The following PCYOX1 variants were observed in gnomAD, a reference collection of about 807,000 sequenced individuals.
PCYOX1 encodes prenylcysteine lyase.
Under a neutral mutation model 46.4 loss-of-function variants are expected in PCYOX1, and 46 were observed. The ratio of observed to expected loss-of-function variants is 0.99; its 90% CI spans 0.78 to 1.27. The LOEUF is 1.27. Among genes scored for constraint, PCYOX1 ranks in the 50% most tolerant of loss-of-function variants. PCYOX1 has a pLI of 0.00. For synonymous variants in PCYOX1, 220 were observed against 231.8 expected (o/e 0.95, Z 0.46); for missense variants, 658 against 628.3 (o/e 1.05, Z -0.51).
intron 3 of PCYOX1, among the ~76,000 whole-genome samples, chr2:70,268,302 C>G (rs1250059963): frequency 6.6e-6 from 1 of 152,088 alleles, no homozygotes; most frequent in Admixed American, 6.6e-5. Flanking sequence ...CCTTCAGTGG[C>G]TATTTCATTA....
At position 70,259,415 on chromosome 2, in the gene PCYOX1, A is replaced by G; in HGVS notation, c.168A>G (p.Lys56=). The change falls in exon 2 of 6, where the codon AAA becomes AAG. Residue 56 remains lysine (K), a synonymous_variant. Transcript: ENST00000433351. ...GTSAAYYLRQ[K]FGKDVKIDLF... is the part of the protein sequence containing the mutation. ...CAGCAGCCTATTACCTGCGGCAGAA[A>G]TTTGGGAAAGATGTGAAGATAGACC... 1.9e-6 allele frequency: 3 copies of G among 1,614,180 alleles called. No individual in the cohort carries two copies. Among genetic ancestry groups the G allele is most frequent in the Non-Finnish European group, 2.5e-6 (3 of 1,180,034 alleles).
chr2:70,266,640 A>G (rs1466005323), intron 3 of PCYOX1, among the ~76,000 whole-genome samples: 1 of 151,990 alleles, frequency 6.6e-6, no homozygotes, highest in East Asian at 1.9e-4. Flanking sequence ...GTCCCTGGGT[A>G]CTTGAGATTA....
chr2:70,275,478 G>A, intron 4 of PCYOX1, 36 bp from the exon 5 acceptor site: 1 of 1,606,706 alleles, frequency 6.2e-7, no homozygotes, highest in Non-Finnish European at 8.5e-7. Flanking sequence ...CTTACAAAAA[G>A]TCAGAATTAA....
chr2:70,272,265 T>C (rs1696612528), intron 3 of PCYOX1, among the ~76,000 whole-genome samples: 1 of 152,104 alleles, frequency 6.6e-6, no homozygotes, highest in African/African-American at 2.4e-5. Context: ...TAGCTGGTAT[T>C]ACAGGCATGC....
rs750615968 is a variant in PCYOX1 at position 70,258,141 on chromosome 2, C to T, written c.-24C>T. Reference sequence around the variant, plus strand: ...TGGGAGGACTGCGGGGCTCTTGAGGCCAGCTGCAGAGCTTGTGGAGGCCAT... The same window carrying T: ...TGGGAGGACTGCGGGGCTCTTGAGGTCAGCTGCAGAGCTTGTGGAGGCCAT... On this transcript the variant is annotated 5_prime_UTR_variant, in exon 1 of 6. Transcript: ENST00000433351. 2.6e-6 allele frequency: 4 copies of T among 1,559,992 alleles called. No individual in the cohort carries two copies. The highest frequency in any genetic ancestry group is 1.4e-5 in the African/African-American group (1 of 71,466).
Position 70,281,133 on chromosome 2 carries a change from T to TAAA in PCYOX1, c.*3743_*3745dup, listed in dbSNP as rs1417643958. On this transcript the variant is annotated 3_prime_UTR_variant, in exon 6 of 6. Transcript: ENST00000433351. ...TGGAATCCTCTTTCTACTCTTGTAT[T>TAAA]AAAATTTTTCCCCACTTCATGATTA... 6.6e-6 allele frequency: 1 copy of TAAA among 152,256 alleles called. No homozygotes were observed. The highest frequency in any genetic ancestry group is 1.5e-5 in the Non-Finnish European group (1 of 68,086). The allele number at this position is 152,256 out of a possible 1,614,324, so 9.4% of individuals were successfully genotyped here. A position where few individuals can be genotyped will look rare whatever the true frequency, so the allele number is the denominator to read the frequency against.
In PCYOX1 at chr2:70,275,174, A is replaced by C; in HGVS notation, c.706+4A>C. The C allele has an allele frequency of 6.2e-7, 1 of 1,609,728 alleles. No individual in the cohort carries two copies. The highest frequency in any genetic ancestry group is 8.5e-7 in the Non-Finnish European group (1 of 1,175,986). On this transcript the variant is annotated splice_donor_region_variant and intron_variant, in intron 4 of 5. Coordinates refer to ENST00000433351, the MANE Select transcript of PCYOX1 (RefSeq NM_016297.4). ...ACGGACATCAATGCCTTTGTGGGTA[A>C]GCCAGGGCTTGAAACAGTGGTGGAC... is the stretch of plus-strand genomic sequence containing the variant.
chr2:70,260,525 A>G (rs1696420611), intron 2 of PCYOX1, among the ~76,000 whole-genome samples: 1 of 152,126 alleles, frequency 6.6e-6, no homozygotes, highest in Non-Finnish European at 1.5e-5. Context: ...CTGGGCAACA[A>G]AGTGAGACCC....
chr2:70,273,847 C>T (rs1277902701), intron 3 of PCYOX1, among the ~76,000 whole-genome samples: 2 of 152,136 alleles, frequency 1.3e-5, no homozygotes, highest in African/African-American at 4.8e-5. Flanking sequence ...TAGAAAGCAT[C>T]TAATTGTTGA....
At chr2:70,269,987 CTCTT>C (rs952155867) in intron 3 of PCYOX1, among the ~76,000 whole-genome samples, 2 of 151,586 alleles carry the variant, frequency 1.3e-5, no homozygotes, top group African/African-American at 4.8e-5. Context: ...TTTTCTCTCT[CTCTT>C]TTTCTCTTTC....
In PCYOX1 at chr2:70,275,681, C is replaced by T; in HGVS notation, c.859+15C>T. The T allele has an allele frequency of 1.2e-6, 2 of 1,611,194 alleles. No homozygotes were observed. Among genetic ancestry groups the T allele is most frequent in the Non-Finnish European group, 1.7e-6 (2 of 1,177,460 alleles). On this transcript the variant is annotated intron_variant, in intron 5 of 5. Coordinates refer to ENST00000433351, the MANE Select transcript of PCYOX1 (RefSeq NM_016297.4). ...CAAGTACACAGGTAAGCTTGAATTTCTTATTGTTCCTGATATCCCCTGCAG... is the reference window on the plus strand; with the variant it reads ...CAAGTACACAGGTAAGCTTGAATTTTTTATTGTTCCTGATATCCCCTGCAG...
intron 1 of PCYOX1, 63 bp downstream of exon 1, chr2:70,258,339 C>G: frequency 9.3e-7 from 1 of 1,080,944 alleles, no homozygotes; most frequent in South Asian, 1.6e-5. Context: ...GCGGCCGCTG[C>G]GCAGTGCGCC....
chr2:70,273,645 A>G (rs1696631085), intron 3 of PCYOX1, among the ~76,000 whole-genome samples: 1 of 152,210 alleles, frequency 6.6e-6, no homozygotes, highest in South Asian at 2.1e-4. Flanking sequence ...TAAGGGAATA[A>G]GAGATAAACC....
rs1696609359 is a variant in PCYOX1, at chr2:70,272,106, G to C, written c.495-2853G>C. 2.0e-5 allele frequency among the ~76,000 whole-genome samples: 3 copies of C among 151,664 alleles called. 1 individual carries two copies. The South Asian group carries it at 6.2e-4, about 32-fold the overall frequency. The stretch of plus-strand genomic sequence containing the variant: ...TGGTGCATGATCAATCTATTATATA[G>C]GAGCCTGGCTAATTTTTAATTTTTT... On this transcript the variant is annotated intron_variant, in intron 3 of 5. Transcript: ENST00000433351.
chr2:70,271,481 A>G (rs1696600177), intron 3 of PCYOX1, among the ~76,000 whole-genome samples: 1 of 152,150 alleles, frequency 6.6e-6, no homozygotes, highest in Non-Finnish European at 1.5e-5. Context: ...AAATATTGTC[A>G]TATTTAAAAT....
At position 70,278,111 on chromosome 2, in the gene PCYOX1, C is replaced by G. The variant is rs1696713143; in HGVS notation, c.*719C>G. 6.6e-6 allele frequency: 1 copy of G among 152,316 alleles called. No homozygotes were observed. Among genetic ancestry groups the G allele is most frequent in the Non-Finnish European group, 1.5e-5 (1 of 68,032 alleles). The allele number at this position is 152,316 out of a possible 1,614,324, so 9.4% of individuals were successfully genotyped here. A position where few individuals can be genotyped will look rare whatever the true frequency, so the allele number is the denominator to read the frequency against. On this transcript the variant is annotated 3_prime_UTR_variant, in exon 6 of 6. Transcript: ENST00000433351. Reference sequence around the variant, plus strand: ...TTGATTAGGGGTGAAATTTAGAAGTCTTAGTAATGTAACTTGAAGATGTTA... The same window carrying G: ...TTGATTAGGGGTGAAATTTAGAAGTGTTAGTAATGTAACTTGAAGATGTTA...
chr2:70,258,342 A>T (rs999332267), intron 1 of PCYOX1, 66 bp downstream of exon 1: 2 of 1,046,348 alleles, frequency 1.9e-6, no homozygotes, highest in Admixed American at 2.9e-5. Flanking sequence ...GCCGCTGCGC[A>T]GTGCGCCCAG....
chr2:70,264,304 G>C (rs1395604128), intron 3 of PCYOX1, among the ~76,000 whole-genome samples: 1 of 149,896 alleles, frequency 6.7e-6, no homozygotes, highest in Non-Finnish European at 1.5e-5. Context: ...GAGATGTAGA[G>C]AATTGCCCTT....
chr2:70,260,972 G>C (rs1283478264), intron 2 of PCYOX1, among the ~76,000 whole-genome samples: 1 of 152,130 alleles, frequency 6.6e-6, no homozygotes, highest in East Asian at 1.9e-4. Context: ...TCTAAAAATA[G>C]CCAGGTAAAA....
Sources: allele counts gnomAD v4.1 joint callset (sites outside exome capture counted in the v4.1 genomes callset), GRCh38; gene constraint gnomAD v4.1.1; transcripts MANE v1.5; gene names NCBI Gene and HGNC (gene_info 2026-07-23, HGNC 2026-07-21).